Variants in ZNF487 observed in about 807,000 individuals in gnomAD.
ZNF487 encodes zinc finger protein 487.
In ZNF487, 4 loss-of-function variants were observed where a neutral mutation model predicts 3.0. That is an observed-to-expected ratio of 1.35 (90% confidence interval 0.66 to 3.08). The LOEUF (loss-of-function observed/expected upper bound fraction) is 3.08. Among genes scored for constraint, ZNF487 ranks in the 30% most tolerant of loss-of-function variants. ZNF487 has a pLI of 0.01. For synonymous variants in ZNF487, 55 were observed against 34.6 expected (o/e 1.59, Z -2.06); for missense variants, 146 against 98.7 (o/e 1.48, Z -2.03).
the ZNF487 span, among the ~76,000 whole-genome samples, chr10:43,512,177 C>T: frequency 6.6e-6 from 1 of 152,226 alleles, no homozygotes; most frequent in Non-Finnish European, 1.5e-5. Context: ...GCAGAATCAT[C>T]TGTGAACCAG....
chr10:43,499,411 T>C, the ZNF487 span, among the ~76,000 whole-genome samples: 17 of 152,254 alleles, frequency 1.1e-4, no homozygotes, highest in South Asian at 3.5e-3. Context: ...AGGGTTTTTT[T>C]TGTTATTTTA....
At chr10:43,463,383 TA>T (rs1168771868) in intron 1 of ZNF487, among the ~76,000 whole-genome samples, 21 of 150,032 alleles carry the variant, frequency 1.4e-4, no homozygotes, top group African/African-American at 5.2e-4. Context: ...ACTAAAAATA[TA>T]AAAATTAGCC....
intron 3 of ZNF487, among the ~76,000 whole-genome samples, chr10:43,478,671 A>G (rs1258860658): frequency 6.6e-6 from 1 of 152,184 alleles, no homozygotes; most frequent in East Asian, 1.9e-4. Context: ...GTGAGCTATG[A>G]TCATGCCACT....
intron 1 of ZNF487, among the ~76,000 whole-genome samples, chr10:43,446,976 G>A (rs1350042982): frequency 2.0e-5 from 3 of 152,060 alleles, no homozygotes; most frequent in South Asian, 2.1e-4. Flanking sequence ...CAGATGACTC[G>A]AGGTCAGGAG....
At chr10:43,497,015 T>C in the ZNF487 span, among the ~76,000 whole-genome samples, 1 of 152,134 alleles carries the variant, frequency 6.6e-6, no homozygotes, top group African/African-American at 2.4e-5. Flanking sequence ...CATAGCTGAG[T>C]GTTCTTGGGT....
chr10:43,519,950 T>A, the ZNF487 span, among the ~76,000 whole-genome samples: 1 of 152,214 alleles, frequency 6.6e-6, no homozygotes, highest in Non-Finnish European at 1.5e-5. Flanking sequence ...CCTGTCCAGA[T>A]GGTTAAATGA....
chr10:43,476,257 G>A (rs2132137667), intron 3 of ZNF487, 55 bp downstream of exon 3: 1 of 687,072 alleles, frequency 1.5e-6, no homozygotes, highest in African/African-American at 1.8e-5. Flanking sequence ...TTGATCCTAG[G>A]GAGATACTTC....
chr10:43,451,489 C>A (rs762473281), intron 1 of ZNF487, among the ~76,000 whole-genome samples: 66 of 150,914 alleles, frequency 4.4e-4, no homozygotes, highest in Non-Finnish European at 6.2e-4. Context: ...AGGTGATCCA[C>A]CCGCCTTGGC....
At chr10:43,515,517 C>G in the ZNF487 span, among the ~76,000 whole-genome samples, 1 of 152,230 alleles carries the variant, frequency 6.6e-6, no homozygotes, top group Non-Finnish European at 1.5e-5. Flanking sequence ...TCAGCTTCAT[C>G]AGGGTCCTCC....
At chr10:43,451,398 A>G (rs1336062044) in intron 1 of ZNF487, among the ~76,000 whole-genome samples, 6 of 150,848 alleles carry the variant, frequency 4.0e-5, no homozygotes, top group African/African-American at 1.5e-4. Context: ...GGTGTGCGCC[A>G]CCAGGCCTGG....
the ZNF487 span, among the ~76,000 whole-genome samples, chr10:43,500,155 A>AT: frequency 1.7e-3 from 260 of 152,260 alleles, 1 homozygote; most frequent in African/African-American, 5.9e-3. Flanking sequence ...GATTACAGGC[A>AT]TGAGCCACCA....
At chr10:43,489,266 C>T in the ZNF487 span, among the ~76,000 whole-genome samples, 1 of 152,098 alleles carries the variant, frequency 6.6e-6, no homozygotes, top group Non-Finnish European at 1.5e-5. Flanking sequence ...ACCTGGCCAA[C>T]ATAGAAAGAC....
chr10:43,465,067 C>T (rs1840626451), intron 1 of ZNF487, among the ~76,000 whole-genome samples: 1 of 141,502 alleles, frequency 7.1e-6, no homozygotes, highest in South Asian at 2.3e-4. Context: ...CCACCTCCCT[C>T]CCGGGGCGGC....
chr10:43,475,637 A>G, intron 1 of ZNF487, 84 bp from the exon 2 acceptor site: 1 of 727,658 alleles, frequency 1.4e-6, no homozygotes, highest in Non-Finnish European at 2.6e-6. Flanking sequence ...TCAACAGTGA[A>G]CATGACAAGG....
chr10:43,475,834 C>T lies in ZNF487; in HGVS notation c.21C>T (p.Leu7=), dbSNP rs745475758. MLENYS[L]LLSVGYCITK... is the part of the protein sequence containing the mutation. ...ACATGATGCTGGAGAACTACAGCCT[C>T]CTCCTCTCAGTGGGTAAGGATTATG... The change falls in exon 2 of 4, where the codon CTC becomes CTT. Residue 7 remains leucine (L), a synonymous_variant. Coordinates refer to ENST00000437590, the MANE Select transcript of ZNF487 (RefSeq NM_001355444.3). 16 of 778,350 alleles carry T rather than the reference C, an allele frequency of 2.1e-5. No homozygotes were observed. Among genetic ancestry groups the T allele is most frequent in the Non-Finnish European group, 3.6e-5 (15 of 417,186 alleles). 48.2% of individuals were successfully genotyped at this position (778,350 alleles called of 1,614,324 possible).
chr10:43,454,721 G>C (rs527650312), intron 1 of ZNF487: 1 of 152,106 alleles, frequency 6.6e-6, no homozygotes, highest in Admixed American at 6.6e-5. Flanking sequence ...GCTGAGAAAA[G>C]ATAAAGCAGA....
chr10:43,446,519 G>A (rs1460773364), intron 1 of ZNF487, among the ~76,000 whole-genome samples: 6 of 151,058 alleles, frequency 4.0e-5, no homozygotes, highest in African/African-American at 1.5e-4. Flanking sequence ...CTCCCAGACG[G>A]GGTGGCGGCC....
At chr10:43,485,225 T>C (rs1031693458), downstream of ZNF487, among the ~76,000 whole-genome samples, 8 of 152,240 alleles carry the variant, frequency 5.3e-5, no homozygotes, top group African/African-American at 1.9e-4. Context: ...TGTATGAGGC[T>C]TTTAAGGCTC....
the ZNF487 span, among the ~76,000 whole-genome samples, chr10:43,489,912 T>C: frequency 2.0e-5 from 3 of 152,092 alleles, no homozygotes; most frequent in African/African-American, 7.2e-5. Flanking sequence ...ACTTAAACAG[T>C]CACATCAGTA....
Sources: gnomAD v4.1 joint callset for allele counts (sites outside exome capture counted in the v4.1 genomes callset) on GRCh38, gnomAD v4.1.1 for gene constraint, MANE v1.5 for transcripts, NCBI Gene and HGNC (gene_info 2026-07-23, HGNC 2026-07-21) for gene names.